Variants in PUS10 observed in about 807,000 individuals in gnomAD.
The protein encoded by PUS10 is pseudouridine synthase 10, also known as tRNA pseudouridine synthase Pus10.
A neutral mutation model predicts 75.0 loss-of-function variants in PUS10; 59 were observed. The ratio of observed to expected loss-of-function variants is 0.79; its 90% CI spans 0.64 to 0.98. PUS10 has a LOEUF of 0.98. Among genes scored for constraint, PUS10 ranks in the 50% least tolerant of loss-of-function variants. The probability of loss-of-function intolerance (pLI) is 0.00; values close to 1 mark genes in which losing one functional copy is unlikely to be tolerated. For synonymous variants in PUS10, 219 were observed against 211.6 expected (o/e 1.03, Z -0.30); for missense variants, 650 against 614.4 (o/e 1.06, Z -0.61).
At chr2:61,004,628 C>CAAAAA (rs70959883) in intron 4 of PUS10, among the ~76,000 whole-genome samples, 57 of 67,244 alleles carry the variant, frequency 8.5e-4, no homozygotes, top group Admixed American at 9.5e-4. Flanking sequence ...GACTCCGTCT[C>CAAAAA]AAAAAAAAAA....
chr2:61,010,747 A>C, intron 2 of PUS10: 1 of 1,546,800 alleles, frequency 6.5e-7, no homozygotes, highest in Non-Finnish European at 8.7e-7. Flanking sequence ...AAAGTGGTGG[A>C]ACTGGGATTC....
intron 4 of PUS10, among the ~76,000 whole-genome samples, chr2:60,991,801 G>A (rs982561153): frequency 6.6e-6 from 1 of 152,064 alleles, no homozygotes; most frequent in East Asian, 1.9e-4. Flanking sequence ...ATGTACTAGC[G>A]ATCTTAGCCA....
chr2:60,965,568 C>T, intron 6 of PUS10, 84 bp from the exon 7 acceptor site: 1 of 986,710 alleles, frequency 1.0e-6, no homozygotes, highest in South Asian at 1.6e-5. Flanking sequence ...AATTAATTCT[C>T]AAAGATTGGC....
chr2:60,972,572 C>G (rs1305458301), intron 4 of PUS10, among the ~76,000 whole-genome samples: 1 of 152,174 alleles, frequency 6.6e-6, no homozygotes, highest in Non-Finnish European at 1.5e-5. Context: ...CAGCTTTCAC[C>G]TTAAAGAAAG....
intron 15 of PUS10, 59 bp downstream of exon 15, chr2:60,952,938 T>G (rs1466566975): frequency 1.0e-6 from 1 of 958,660 alleles, no homozygotes; most frequent in East Asian, 2.4e-5. Context: ...TAGAAGACAA[T>G]GGGATCTTTG....
At chr2:61,009,062 T>C (rs1320459655) in intron 2 of PUS10, 47 bp from the exon 3 acceptor site, 2 of 1,523,692 alleles carry the variant, frequency 1.3e-6, no homozygotes, top group Non-Finnish European at 1.8e-6. Flanking sequence ...GACAATGTCC[T>C]TAAGGCTTTC....
chr2:60,991,383 C>A (rs1300372867), intron 4 of PUS10, among the ~76,000 whole-genome samples: 2 of 152,060 alleles, frequency 1.3e-5, no homozygotes, highest in Non-Finnish European at 2.9e-5. Context: ...AAAACACACA[C>A]AATGAAATGT....
chr2:60,971,106 C>T (rs1028211020), intron 5 of PUS10, among the ~76,000 whole-genome samples: 4 of 151,144 alleles, frequency 2.6e-5, no homozygotes, highest in South Asian at 2.1e-4. Flanking sequence ...CTTGAACCAG[C>T]GAGGTGGAGG....
intron 2 of PUS10, chr2:61,010,437 C>T (rs1679524068): frequency 1.0e-5 from 2 of 195,958 alleles, no homozygotes; most frequent in Admixed American, 1.1e-4. Flanking sequence ...AGCAATTCTC[C>T]TGCCTCAGCC....
In PUS10 at chr2:60,941,681, T is replaced by C. The variant is rs1674633609; in HGVS notation, c.*714A>G. The C allele has an allele frequency of 6.6e-6, 1 of 152,326 alleles. No homozygotes were observed. Among genetic ancestry groups the C allele is most frequent in the Non-Finnish European group, 1.5e-5 (1 of 67,998 alleles). The allele number at this position is 152,326 out of a possible 1,614,324, so 9.4% of individuals were successfully genotyped here. On this transcript the variant is annotated 3_prime_UTR_variant, in exon 18 of 18. Coordinates refer to ENST00000316752, the MANE Select transcript of PUS10 (RefSeq NM_144709.4). ...TATTAAAGGCACTTGTTTCTCCTTA[T>C]TTAAAAGATTTATGAAAGGCTCCTA...
At position 61,006,652 on chromosome 2, in the gene PUS10, G is replaced by C; in HGVS notation, c.382-9C>G. On this transcript the variant is annotated splice_polypyrimidine_tract_variant and intron_variant, in intron 3 of 17. Coordinates refer to ENST00000316752, the MANE Select transcript of PUS10 (RefSeq NM_144709.4). ...TCAACCTTTTGGCACACCTGAAAAA[G>C]CATTACAATTATGTAAATTCCCAGG... 1.2e-6 allele frequency: 2 copies of C among 1,601,508 alleles called. No homozygotes were observed.
At chr2:60,943,762 T>TTGTGTGTGTGTGTGTGTGTGTG (rs56232022) in intron 17 of PUS10, among the ~76,000 whole-genome samples, 1 of 146,740 alleles carries the variant, frequency 6.8e-6, no homozygotes, top group Non-Finnish European at 1.5e-5. Context: ...GATCACAATC[T>TTGTGTGTGTGTGTGTGTGTGTG]TGTGTGTGTG....
At chr2:61,008,264 C>T (rs1279785946) in intron 3 of PUS10, among the ~76,000 whole-genome samples, 1 of 152,100 alleles carries the variant, frequency 6.6e-6, no homozygotes, top group Non-Finnish European at 1.5e-5. Flanking sequence ...TGGCTCATGT[C>T]TGTAATCCCA....
intron 9 of PUS10, among the ~76,000 whole-genome samples, chr2:60,962,037 A>C (rs1676056119): frequency 6.6e-6 from 1 of 152,234 alleles, no homozygotes; most frequent in Non-Finnish European, 1.5e-5. Context: ...CCAAGAATTA[A>C]AATGTAAGGT....
At position 61,010,869 on chromosome 2, in the gene PUS10, CT is replaced by C. The variant is rs763015101; in HGVS notation, c.126+895del. 1.9e-6 allele frequency: 3 copies of C among 1,550,218 alleles called. No individual in the cohort carries two copies. The South Asian group carries it at 3.6e-5, about 18-fold the overall frequency. ...ACTTTGGGCAGGTTGCTTAACCTCT[CT>C]GTATCTCAGTTTCTTCATCTGAAAA... On this transcript the variant is annotated intron_variant, in intron 2 of 17. Coordinates refer to ENST00000316752, the MANE Select transcript of PUS10 (RefSeq NM_144709.4).
intron 17 of PUS10, among the ~76,000 whole-genome samples, chr2:60,944,575 A>G (rs751691773): frequency 6.6e-6 from 1 of 152,204 alleles, no homozygotes; most frequent in Non-Finnish European, 1.5e-5. Flanking sequence ...GTTTCAATTC[A>G]GACTGTAAGA....
intron 4 of PUS10, among the ~76,000 whole-genome samples, chr2:60,972,654 C>A (rs13418712): frequency 0.021 from 3,185 of 152,198 alleles, 113 homozygotes; most frequent in African/African-American, 0.072. Context: ...TCAATAAATA[C>A]CACATGTAGT....
chr2:60,987,050 T>A (rs767604661), intron 4 of PUS10, among the ~76,000 whole-genome samples: 9 of 152,252 alleles, frequency 5.9e-5, no homozygotes, highest in Admixed American at 2.6e-4. Context: ...TTAAAATCCA[T>A]TAAATTAAAA....
rs1420911693 is a variant in PUS10, at chr2:60,948,047, C to T, written c.1447G>A (p.Gly483Ser). 1 of 1,613,934 alleles carries T rather than the reference C, an allele frequency of 6.2e-7. No individual in the cohort carries two copies. Among genetic ancestry groups the T allele is most frequent in the Non-Finnish European group, 8.5e-7 (1 of 1,180,006 alleles). ...GTGCAGCAGGTGGAAGGATACGTGC[C>T]AGCCTGAGTTTTCAAGTGGAGGCGG... is the stretch of plus-strand genomic sequence containing the variant. Reference protein sequence around the residue: ...HFRLHLKTQAGTYIKEFVHGD... With the variant: ...HFRLHLKTQASTYIKEFVHGD... The change falls in exon 16 of 18, where the codon GGC (glycine) becomes AGC (serine). Residue 483 changes from glycine to serine, a missense_variant. Gly to Ser is a moderately conservative substitution (Grantham distance 56). Transcript: ENST00000316752.
Sources: gnomAD v4.1 joint callset for allele counts (sites outside exome capture counted in the v4.1 genomes callset) on GRCh38, gnomAD v4.1.1 for gene constraint, MANE v1.5 for transcripts, NCBI Gene and HGNC (gene_info 2026-07-23, HGNC 2026-07-21) for gene names.